CSMD1: variants seen among roughly 807,000 people sequenced by gnomAD.
CSMD1 encodes the protein CUB and sushi domain-containing protein 1.
A neutral mutation model predicts 417.5 loss-of-function variants in CSMD1; 213 were observed. The ratio of observed to expected loss-of-function variants is 0.51; its 90% CI spans 0.46 to 0.57. CSMD1 has a LOEUF of 0.57. Ranked by LOEUF, CSMD1 falls within the 20% of genes least tolerant of loss-of-function variation. The pLI is 0.00. For synonymous variants in CSMD1, 2,862 were observed against 1,736.8 expected (o/e 1.65, Z -16.11); for missense variants, 6,923 against 4,529.7 (o/e 1.53, Z -15.17).
intron 3 of CSMD1, among the ~76,000 whole-genome samples, chr8:4,135,340 A>AGGAG (rs1803357581): frequency 8.8e-5 from 3 of 34,188 alleles, no homozygotes; most frequent in Non-Finnish European, 1.9e-4. Context: ...AGGGGAAAGA[A>AGGAG]GGAAGGAAGG....
At chr8:3,172,479 T>G (rs957101777) in intron 37 of CSMD1, among the ~76,000 whole-genome samples, 1 of 152,198 alleles carries the variant, frequency 6.6e-6, no homozygotes, top group Non-Finnish European at 1.5e-5. Context: ...ATTTAGGTGT[T>G]TTCTTTCTAA....
chr8:4,112,450 C>G (rs1462458813), intron 3 of CSMD1, among the ~76,000 whole-genome samples: 4 of 152,322 alleles, frequency 2.6e-5, no homozygotes, highest in East Asian at 3.9e-4. Context: ...TGTTCCCTCC[C>G]CATTCTCCCC....
chr8:4,565,640 C>G (rs533496794), intron 2 of CSMD1, among the ~76,000 whole-genome samples: 2 of 151,426 alleles, frequency 1.3e-5, no homozygotes, highest in South Asian at 2.1e-4. Flanking sequence ...GAGGCTGAAG[C>G]AGGAGAACCG....
rs559761144 is a variant in CSMD1 at position 3,985,200 on chromosome 8, T to C, written c.818+12703A>G. 4.7e-3 allele frequency among the ~76,000 whole-genome samples: 722 copies of C among 152,248 alleles called. 6 individuals are homozygous for C. The highest frequency in any genetic ancestry group is 0.016 in the African/African-American group (655 of 41,536). On this transcript the variant is annotated intron_variant, in intron 5 of 69. Transcript: ENST00000635120. ...TCCCTTCTCACAGTTTGTGGTAAAC[T>C]AGAAGGTATCTGAGAAGCATTGACG...
chr8:4,474,391 G>T (rs1800689484), intron 2 of CSMD1, among the ~76,000 whole-genome samples: 1 of 152,172 alleles, frequency 6.6e-6, no homozygotes, highest in Non-Finnish European at 1.5e-5. Flanking sequence ...ATAAGAGGAG[G>T]ACAGAGAATT....
chr8:4,404,157 C>G (rs780791757), intron 3 of CSMD1, among the ~76,000 whole-genome samples: 4 of 152,110 alleles, frequency 2.6e-5, no homozygotes, highest in African/African-American at 9.7e-5. Flanking sequence ...TAGAGCTTTC[C>G]GGAACACTCT....
Position 3,107,804 on chromosome 8 carries a change from T to C in CSMD1, c.6755-6A>G, listed in dbSNP as rs931877225. The stretch of plus-strand genomic sequence containing the variant: ...ACATTTCTTGAGCTGAAATGCTAAA[T>C]GATTAATGGAAAGAATAATAATAAT... On this transcript the variant is annotated splice_polypyrimidine_tract_variant and splice_region_variant and intron_variant, in intron 44 of 69. Transcript: ENST00000635120. 11 of 1,554,408 alleles carry C rather than the reference T, an allele frequency of 7.1e-6. No homozygotes were observed. Among genetic ancestry groups the C allele is most frequent in the Non-Finnish European group, 7.0e-6 (8 of 1,146,448 alleles).
At chr8:3,642,025 C>T (rs2117320879) in intron 7 of CSMD1, among the ~76,000 whole-genome samples, 1 of 152,258 alleles carries the variant, frequency 6.6e-6, no homozygotes, top group Middle Eastern at 3.4e-3. Flanking sequence ...CCCCTCACCA[C>T]ATCTGCAAAC....
At chr8:4,867,030 G>A (rs1373576509) in intron 1 of CSMD1, among the ~76,000 whole-genome samples, 2 of 151,836 alleles carry the variant, frequency 1.3e-5, no homozygotes, top group Non-Finnish European at 2.9e-5. Context: ...CTTTGATTGC[G>A]TTTTTGTTTT....
At chr8:3,948,182 C>G (rs1000380189) in intron 5 of CSMD1, among the ~76,000 whole-genome samples, 3 of 151,938 alleles carry the variant, frequency 2.0e-5, no homozygotes, top group Non-Finnish European at 4.4e-5. Context: ...TGCAGCCTGG[C>G]AACAGACCAA....
intron 1 of CSMD1, among the ~76,000 whole-genome samples, chr8:4,906,383 C>A (rs1805277852): frequency 1.3e-5 from 2 of 152,272 alleles, no homozygotes; most frequent in South Asian, 4.1e-4. Context: ...GGGTAGAACA[C>A]TGAGTTGTCA....
chr8:3,953,018 G>A (rs974985092), intron 5 of CSMD1, among the ~76,000 whole-genome samples: 3 of 152,010 alleles, frequency 2.0e-5, no homozygotes, highest in Admixed American at 2.0e-4. Flanking sequence ...AAAAATACAT[G>A]AGAAGGTTTA....
rs553351678 is a variant in CSMD1, at chr8:4,020,038, C to T, written c.610+11867G>A. Among the ~76,000 whole-genome samples the T allele has an allele frequency of 4.6e-5, 7 of 151,862 alleles. No individual in the cohort carries two copies. In the South Asian group the frequency reaches 6.2e-4, roughly 14 times the overall value. ...GGCACTTAGTTCTGAAATCTAAAAT[C>T]GTGCTTAAGAGTGGAAGGGAGAGGA... On this transcript the variant is annotated intron_variant, in intron 4 of 69. Coordinates refer to ENST00000635120, the MANE Select transcript of CSMD1 (RefSeq NM_033225.6).
At chr8:4,164,275 T>A (rs1484882403) in intron 3 of CSMD1, among the ~76,000 whole-genome samples, 1 of 152,172 alleles carries the variant, frequency 6.6e-6, no homozygotes, top group African/African-American at 2.4e-5. Context: ...AAGATTAATT[T>A]TCTTTAATGG....
chr8:4,660,128 A>AT, intron 1 of CSMD1, among the ~76,000 whole-genome samples: 1 of 151,070 alleles, frequency 6.6e-6, no homozygotes, highest in Admixed American at 6.6e-5. Flanking sequence ...AAAAAAAAAA[A>AT]AGGAACGAAA....
chr8:4,243,497 C>G (rs1802526200), intron 3 of CSMD1, among the ~76,000 whole-genome samples: 1 of 152,086 alleles, frequency 6.6e-6, no homozygotes, highest in Admixed American at 6.6e-5. Context: ...CAGAAACTTT[C>G]TAATTTTAAA....
intron 52 of CSMD1, among the ~76,000 whole-genome samples, chr8:3,013,093 C>T (rs926929022): frequency 1.3e-5 from 2 of 152,156 alleles, no homozygotes; most frequent in African/African-American, 4.8e-5. Context: ...AACTCCTTTC[C>T]TTTATAAATT....
intron 2 of CSMD1, among the ~76,000 whole-genome samples, chr8:4,477,398 G>A (rs993683848): frequency 5.3e-5 from 8 of 152,184 alleles, no homozygotes; most frequent in South Asian, 2.1e-4. Context: ...GATCAGTCTC[G>A]GGGACTTGGT....
At chr8:3,629,924 C>T (rs781728333) in intron 7 of CSMD1, among the ~76,000 whole-genome samples, 1 of 152,176 alleles carries the variant, frequency 6.6e-6, no homozygotes, top group East Asian at 1.9e-4. Flanking sequence ...TTTCTTGTCA[C>T]AGTGTTTGTT....
Sources: allele counts gnomAD v4.1 joint callset (sites outside exome capture counted in the v4.1 genomes callset), GRCh38; gene constraint gnomAD v4.1.1; transcripts MANE v1.5; gene names NCBI Gene and HGNC (gene_info 2026-07-23, HGNC 2026-07-21).